The following CDIN1 variants were observed in gnomAD, a reference collection of about 807,000 sequenced individuals.
CDIN1 encodes the protein CDAN1 interacting nuclease 1.
A neutral mutation model predicts 45.3 loss-of-function variants in CDIN1; 33 were observed. The observed-to-expected ratio is 0.73, with a 90% confidence interval of 0.55 to 0.97. CDIN1 has a LOEUF of 0.97. Among genes scored for constraint, CDIN1 ranks in the 50% least tolerant of loss-of-function variants. CDIN1 has a pLI of 0.00. For synonymous variants in CDIN1, 118 were observed against 124.4 expected (o/e 0.95, Z 0.34); for missense variants, 303 against 339.4 (o/e 0.89, Z 0.84).
chr15:36,759,317 C>T (rs113221670), intron 10 of CDIN1, among the ~76,000 whole-genome samples: 1 of 152,064 alleles, frequency 6.6e-6, no homozygotes, highest in Non-Finnish European at 1.5e-5. Flanking sequence ...TGTCCTCTTC[C>T]CCTGAAAATG....
Position 36,750,463 on chromosome 15 carries a change from G to A in CDIN1, c.716+40502G>A, listed in dbSNP as rs1444924719. Among the ~76,000 whole-genome samples, 9 of 152,266 alleles carry A rather than the reference G, an allele frequency of 5.9e-5. No homozygotes were observed. The South Asian group carries it at 1.0e-3, about 18-fold the overall frequency. ...ACTTGTCCAATATTAATTCATCAGC[G>A]TCAGAGCCAGGATTTCAGCATTTAC... On this transcript the variant is annotated intron_variant, in intron 10 of 10. Transcript: ENST00000566621.
intron 1 of CDIN1, among the ~76,000 whole-genome samples, chr15:36,583,864 A>G (rs998913296): frequency 4.6e-5 from 7 of 151,996 alleles, no homozygotes; most frequent in African/African-American, 2.4e-5. Flanking sequence ...AAAATACAGA[A>G]AATTAGCTGG....
chr15:36,753,172 C>T (rs1203393239), intron 10 of CDIN1, among the ~76,000 whole-genome samples: 1 of 152,102 alleles, frequency 6.6e-6, no homozygotes, highest in African/African-American at 2.4e-5. Context: ...AGCAATTGAA[C>T]AACAGTATCA....
intron 1 of CDIN1, among the ~76,000 whole-genome samples, chr15:36,621,589 A>G (rs1240061565): frequency 1.3e-5 from 2 of 152,218 alleles, no homozygotes; most frequent in African/African-American, 4.8e-5. Flanking sequence ...AAAAAAATGT[A>G]TTAATCATTG....
intron 5 of CDIN1, among the ~76,000 whole-genome samples, chr15:36,662,821 A>AAATGT (rs2041069426): frequency 6.6e-6 from 1 of 151,736 alleles, no homozygotes; most frequent in African/African-American, 2.4e-5. Context: ...CCCTTATCTG[A>AAATGT]AATGTCTGGG....
At chr15:36,761,725 C>A (rs1349825098) in intron 10 of CDIN1, among the ~76,000 whole-genome samples, 2 of 152,162 alleles carry the variant, frequency 1.3e-5, no homozygotes, top group African/African-American at 4.8e-5. Flanking sequence ...TCTTCTAATG[C>A]CAGTTGCCTT....
chr15:36,673,734 A>C (rs2041537954), intron 5 of CDIN1, among the ~76,000 whole-genome samples: 1 of 152,016 alleles, frequency 6.6e-6, no homozygotes, highest in Non-Finnish European at 1.5e-5. Context: ...GAAAAAAAAA[A>C]TTTGGCAGGG....
At chr15:36,718,812 C>CTTTTTTTT (rs3045909) in intron 10 of CDIN1, among the ~76,000 whole-genome samples, 32 of 96,626 alleles carry the variant, frequency 3.3e-4, no homozygotes, top group South Asian at 8.3e-4. Flanking sequence ...AATTTGTATG[C>CTTTTTTTT]TTTTTTTTTT....
chr15:36,740,270 C>T (rs1264103088), intron 10 of CDIN1, among the ~76,000 whole-genome samples: 1 of 152,088 alleles, frequency 6.6e-6, no homozygotes, highest in Admixed American at 6.5e-5. Context: ...GGACGATAAT[C>T]ACATCAGTGG....
intron 10 of CDIN1, among the ~76,000 whole-genome samples, chr15:36,783,423 T>G (rs1303409083): frequency 6.6e-6 from 1 of 151,880 alleles, no homozygotes; most frequent in East Asian, 1.9e-4. Flanking sequence ...TAATCCTCTC[T>G]TAAAAGCCTG....
intron 10 of CDIN1, among the ~76,000 whole-genome samples, chr15:36,770,024 CTTGA>C (rs1295834330): frequency 6.6e-6 from 1 of 152,098 alleles, no homozygotes; most frequent in Non-Finnish European, 1.5e-5. Flanking sequence ...TCTCTTTTCC[CTTGA>C]TTATTTCTCC....
At chr15:36,777,993 G>A (rs1861423992) in intron 10 of CDIN1, among the ~76,000 whole-genome samples, 1 of 152,144 alleles carries the variant, frequency 6.6e-6, no homozygotes, top group Admixed American at 6.5e-5. Context: ...GAAATGCTTG[G>A]GTGATCCCTT....
intron 1 of CDIN1, among the ~76,000 whole-genome samples, chr15:36,636,549 C>G (rs1000336032): frequency 1.3e-5 from 2 of 151,730 alleles, no homozygotes; most frequent in African/African-American, 4.8e-5. Flanking sequence ...AAGACTCCAT[C>G]TCAAAAACAA....
intron 1 of CDIN1, among the ~76,000 whole-genome samples, chr15:36,615,407 A>G (rs1162935227): frequency 6.6e-6 from 1 of 152,216 alleles, no homozygotes; most frequent in Non-Finnish European, 1.5e-5. Context: ...AGAGAAATCA[A>G]TAGTGCAACT....
intron 1 of CDIN1, among the ~76,000 whole-genome samples, chr15:36,639,645 C>A (rs2040029591): frequency 6.6e-6 from 1 of 152,142 alleles, no homozygotes; most frequent in East Asian, 1.9e-4. Flanking sequence ...GTTTACACAG[C>A]ATTTACACTG....
chr15:36,634,806 T>C (rs1324090685), intron 1 of CDIN1, among the ~76,000 whole-genome samples: 3 of 152,334 alleles, frequency 2.0e-5, no homozygotes, highest in Non-Finnish European at 2.9e-5. Context: ...CAGTTAATGA[T>C]ACAAAGTTCT....
intron 10 of CDIN1, among the ~76,000 whole-genome samples, chr15:36,713,881 CAT>C (rs1331700209): frequency 6.6e-6 from 1 of 152,204 alleles, no homozygotes; most frequent in Non-Finnish European, 1.5e-5. Flanking sequence ...ATCTATCAAA[CAT>C]GTCATCGCTT....
chr15:36,711,241 T>G (rs1049015182), intron 10 of CDIN1, among the ~76,000 whole-genome samples: 1 of 152,028 alleles, frequency 6.6e-6, no homozygotes, highest in African/African-American at 2.4e-5. Flanking sequence ...TGCATAAGTT[T>G]AGGTTGCTAA....
intron 5 of CDIN1, among the ~76,000 whole-genome samples, chr15:36,685,795 A>C (rs1335557823): frequency 6.6e-6 from 1 of 152,264 alleles, no homozygotes; most frequent in Non-Finnish European, 1.5e-5. Flanking sequence ...TGTGGCCAAC[A>C]GACACATGAA....
Sources: gnomAD v4.1 joint callset for allele counts (sites outside exome capture counted in the v4.1 genomes callset) on GRCh38, gnomAD v4.1.1 for gene constraint, MANE v1.5 for transcripts, NCBI Gene and HGNC (gene_info 2026-07-23, HGNC 2026-07-21) for gene names.